The following NAPG variants were observed in gnomAD, a reference collection of about 807,000 sequenced individuals.
NAPG encodes NSF attachment protein gamma.
A neutral mutation model predicts 48.4 loss-of-function variants in NAPG; 25 were observed. The ratio of observed to expected loss-of-function variants is 0.52; its 90% confidence interval spans 0.38 to 0.72. The LOEUF (loss-of-function observed/expected upper bound fraction) is 0.72, where lower values mean the gene tolerates loss of function less well. Among genes scored for constraint, NAPG ranks in the 30% least tolerant of loss-of-function variants. The pLI, the probability that NAPG is intolerant of heterozygous loss-of-function variation, is 0.00. For missense variants in NAPG, 359 were observed against 372.5 expected, an observed-to-expected ratio of 0.96 and a Z score of 0.30; for synonymous variants, 139 against 127.2, an observed-to-expected ratio of 1.09 and a Z score of -0.62.
chr18:10,549,320 ACT>A (rs1202923643), intron 11 of NAPG, among the ~76,000 whole-genome samples: 1 of 151,448 alleles, frequency 6.6e-6, no homozygotes, highest in African/African-American at 2.5e-5. Context: ...CACCCATCTA[ACT>A]CTGTTGACCA....
Position 10,532,717 on chromosome 18 carries a change from C to T in NAPG, c.131C>T (p.Ala44Val). ...ATTTTTTTTTCTATTTCAGCTGTTGCTTTTAAAAATGCCAAACAGTTTGAG... is the reference window on the plus strand; with the variant it reads ...ATTTTTTTTTCTATTTCAGCTGTTGTTTTTAAAAATGCCAAACAGTTTGAG... ...AASEYGKAAV[A>V]FKNAKQFEQA... The change falls in exon 3 of 12, where the codon GCT becomes GTT. Residue 44 changes from alanine (A) to valine (V), a missense_variant. Coordinates refer to ENST00000322897, the MANE Select transcript of NAPG (RefSeq NM_003826.3). 1 of 1,575,964 alleles carries T rather than the reference C, an allele frequency of 6.3e-7. No homozygotes were observed. Among genetic ancestry groups the T allele is most frequent in the African/African-American group, 1.4e-5 (1 of 73,904 alleles).
chr18:10,546,371 TA>T lies in NAPG; in HGVS notation c.554del (p.Lys185ArgfsTer18). ...CTATTCAGAAAGAAAAAAATATTTA[TA>T]AGGAAATTGAGAATTATCCAACTTG... ...LSIQKEKNIY[K>X]EIENYPTCYK... On this transcript the variant is annotated frameshift_variant, in exon 9 of 12. Coordinates refer to ENST00000322897, the MANE Select transcript of NAPG (RefSeq NM_003826.3). LOFTEE classifies it high-confidence loss of function. The surrounding 1 kb of genome is among the most constrained non-coding windows in gnomAD (Gnocchi z 4.0). 6.3e-7 allele frequency: 1 copy of T among 1,575,228 alleles called. No individual in the cohort carries two copies. Among genetic ancestry groups the T allele is most frequent in the South Asian group, 1.2e-5 (1 of 86,512 alleles).
Position 10,552,693 on chromosome 18 carries a change from G to T in NAPG, c.*2473G>T, listed in dbSNP as rs558938773. ...CTCTGATGAGTAGAATATTAAATGTGTTGTTATGGAAATACAGATTATTGC... is the reference window on the plus strand; with the variant it reads ...CTCTGATGAGTAGAATATTAAATGTTTTGTTATGGAAATACAGATTATTGC... On this transcript the variant is annotated 3_prime_UTR_variant, in exon 12 of 12. Transcript: ENST00000322897. The T allele has an allele frequency of 6.6e-6, 1 of 152,134 alleles. No individual in the cohort carries two copies. The highest frequency in any genetic ancestry group is 2.4e-5 in the African/African-American group (1 of 41,400). The allele number at this position is 152,134 out of a possible 1,614,324, so 9.4% of individuals were successfully genotyped here.
chr18:10,537,192 C>G (rs966140399), intron 5 of NAPG, among the ~76,000 whole-genome samples: 1 of 152,100 alleles, frequency 6.6e-6, no homozygotes, highest in Non-Finnish European at 1.5e-5. Context: ...CTCCTGGGCT[C>G]AAGTGATACT....
chr18:10,536,405 C>T (rs558249270), intron 5 of NAPG, among the ~76,000 whole-genome samples: 1 of 152,242 alleles, frequency 6.6e-6, no homozygotes, highest in East Asian at 1.9e-4. Context: ...TTGGGGAGTG[C>T]CATTTTGTAG....
intron 11 of NAPG, 51 bp downstream of exon 11, chr18:10,549,147 GTT>G (rs760399990): frequency 2.6e-6 from 4 of 1,549,558 alleles, no homozygotes; most frequent in Non-Finnish European, 3.5e-6. Flanking sequence ...AAAGAAAGAG[GTT>G]TCTAGTGAGA....
At position 10,548,237 on chromosome 18, in the gene NAPG, G is replaced by C. The variant is rs983142273; in HGVS notation, c.586-62G>C. ...TTAAACTCCAGGTGTTTTCAATACT[G>C]CCAGGTTATTGACTTTATTAAACAG... is the stretch of plus-strand genomic sequence containing the variant. On this transcript the variant is annotated intron_variant, in intron 9 of 11. Coordinates refer to ENST00000322897, the MANE Select transcript of NAPG (RefSeq NM_003826.3). This position sits in a 1 kb window ranked among gnomAD's most constrained non-coding sequence, Gnocchi z 4.4. 15 of 1,224,776 alleles carry C rather than the reference G, an allele frequency of 1.2e-5. No homozygotes were observed. In the Admixed American group the frequency reaches 2.6e-4, roughly 21 times the overall value. The allele number at this position is 1,224,776 out of a possible 1,614,324, so 75.9% of individuals were successfully genotyped here. A position where few individuals can be genotyped will look rare whatever the true frequency, so the allele number is the denominator to read the frequency against.
intron 3 of NAPG, 126 bp from the exon 4 acceptor site, chr18:10,533,410 T>C (rs2031970208): frequency 2.9e-6 from 2 of 697,318 alleles, no homozygotes; most frequent in Non-Finnish European, 4.6e-6. Context: ...TTTACCTGTT[T>C]GTAGGATTTG....
Position 10,532,219 on chromosome 18 carries a change from T to A in NAPG, c.125-492T>A, listed in dbSNP as rs537942771. ...TAAACAGTATAAAAGATTGTTTTTT[T>A]AAAAAAATGCATTGTTAGACATTTA... On this transcript the variant is annotated intron_variant, in intron 2 of 11. Transcript: ENST00000322897. Among the ~76,000 whole-genome samples, 472 of 152,214 alleles carry A rather than the reference T, an allele frequency of 3.1e-3. 3 individuals carry two copies. The highest frequency in any genetic ancestry group is 0.011 in the African/African-American group (445 of 41,520).
chr18:10,533,256 C>T, intron 3 of NAPG: 1 of 337,376 alleles, frequency 3.0e-6, no homozygotes, highest in Non-Finnish European at 5.3e-6. Context: ...TATTTGCAAA[C>T]TGTAGTCATA....
chr18:10,534,529 G>A lies in NAPG; in HGVS notation c.258+33G>A. The stretch of plus-strand genomic sequence containing the variant: ...ATGTTATGTCACAATTGTTGTGTAG[G>A]TAAAATGAATTAACTACAAGGTGTT... On this transcript the variant is annotated intron_variant, in intron 5 of 11. Coordinates refer to ENST00000322897, the MANE Select transcript of NAPG (RefSeq NM_003826.3). The surrounding 1 kb of genome is among the most constrained non-coding windows in gnomAD (Gnocchi z 5.0). 1.2e-6 allele frequency: 2 copies of A among 1,601,944 alleles called. No homozygotes were observed. Among genetic ancestry groups the A allele is most frequent in the Non-Finnish European group, 1.7e-6 (2 of 1,169,302 alleles).
At chr18:10,536,967 T>TG (rs1171667892) in intron 5 of NAPG, among the ~76,000 whole-genome samples, 1 of 151,794 alleles carries the variant, frequency 6.6e-6, no homozygotes, top group African/African-American at 2.4e-5. Context: ...TTTTTGTTTT[T>TG]TTTTTTTGAG....
intron 11 of NAPG, among the ~76,000 whole-genome samples, chr18:10,549,334 A>G (rs1443628912): frequency 1.3e-5 from 2 of 152,174 alleles, no homozygotes; most frequent in African/African-American, 4.8e-5. Context: ...TGTTGACCAT[A>G]TACATATTTT....
Position 10,540,417 on chromosome 18 carries a change from A to G in NAPG, c.506+18A>G, listed in dbSNP as rs765160504. ...GGACGTAGGTATGTCTTTAAAAACT[A>G]TTGCTGTGTGTTTAACTATACTTTG... On this transcript the variant is annotated intron_variant, in intron 8 of 11. Transcript: ENST00000322897. 8.1e-6 allele frequency: 13 copies of G among 1,599,148 alleles called. No homozygotes were observed. The highest frequency in any genetic ancestry group is 2.7e-5 in the African/African-American group (2 of 74,468).
chr18:10,549,012 G>C lies in NAPG; in HGVS notation c.711G>C (p.Gln237His). ...NGSEDCAALE[Q>H]LLEGYDQQDQ... ...GTGAAGACTGTGCTGCCCTGGAACA[G>C]CTTCTTGAAGGTTATGACCAGCAAG... The change falls in exon 11 of 12, where the codon CAG becomes CAC. Residue 237 changes from glutamine (Q) to histidine (H), a missense_variant. Physicochemically the swap from Gln to His is conservative, Grantham distance 24 (BLOSUM62 0). Coordinates refer to ENST00000322897, the MANE Select transcript of NAPG (RefSeq NM_003826.3). The C allele has an allele frequency of 6.2e-7, 1 of 1,613,966 alleles. No homozygotes were observed. Among genetic ancestry groups the C allele is most frequent in the East Asian group, 2.2e-5 (1 of 44,890 alleles).
At chr18:10,528,050 G>T (rs2031856508) in intron 1 of NAPG, among the ~76,000 whole-genome samples, 1 of 152,162 alleles carries the variant, frequency 6.6e-6, no homozygotes, top group South Asian at 2.1e-4. Flanking sequence ...GCCGGCTGTG[G>T]TGGCGCGCAC....
Position 10,543,092 on chromosome 18 carries a change from C to T in NAPG, c.506+2693C>T, listed in dbSNP as rs1194873940. On this transcript the variant is annotated intron_variant, in intron 8 of 11. Coordinates refer to ENST00000322897, the MANE Select transcript of NAPG (RefSeq NM_003826.3). This position sits in a 1 kb window ranked among gnomAD's most constrained non-coding sequence, Gnocchi z 4.4. Reference sequence around the variant, plus strand: ...CCAGCTACTCGGGAGGCTGGAGAATCGCTTGAACCCAGGAGGCACAGGTTG... The same window carrying T: ...CCAGCTACTCGGGAGGCTGGAGAATTGCTTGAACCCAGGAGGCACAGGTTG... Among the ~76,000 whole-genome samples the T allele has an allele frequency of 2.0e-5, 3 of 150,194 alleles. No individual in the cohort carries two copies. The highest frequency in any genetic ancestry group is 4.9e-5 in the African/African-American group (2 of 40,798).
chr18:10,548,425 G>T lies in NAPG; in HGVS notation c.665+47G>T. 1 of 1,443,016 alleles carries T rather than the reference G, an allele frequency of 6.9e-7. No individual in the cohort carries two copies. Among genetic ancestry groups the T allele is most frequent in the Non-Finnish European group, 9.7e-7 (1 of 1,025,682 alleles). 89.4% of individuals were successfully genotyped at this position (1,443,016 alleles called of 1,614,324 possible). A position where few individuals can be genotyped will look rare whatever the true frequency, so the allele number is the denominator to read the frequency against. Reference sequence around the variant, plus strand: ...CTTGACTTGCAGTGGCGACACCTCTGTGTCTACAACTAAGATTGCTGCTAG... The same window carrying T: ...CTTGACTTGCAGTGGCGACACCTCTTTGTCTACAACTAAGATTGCTGCTAG... On this transcript the variant is annotated intron_variant, in intron 10 of 11. Transcript: ENST00000322897. The surrounding 1 kb of genome is among the most constrained non-coding windows in gnomAD (Gnocchi z 4.4).
At position 10,539,857 on chromosome 18, in the gene NAPG, G is replaced by C; in HGVS notation, c.354G>C (p.Leu118Phe). Residue 118 changes from leucine to phenylalanine, a missense_variant, in exon 6 of 12, where the codon TTG (leucine) becomes TTC (phenylalanine). Coordinates refer to ENST00000322897, the MANE Select transcript of NAPG (RefSeq NM_003826.3). The surrounding 1 kb of genome is among the most constrained non-coding windows in gnomAD (Gnocchi z 4.7). ...NGTPDTAAMA[L>F]ERAGKLIENV... is the part of the protein sequence containing the mutation. ...CCCCAGACACAGCAGCCATGGCTTT[G>C]GAGCGAGCTGGAAAGTGAGTGTGAG... 1 of 1,613,994 alleles carries C rather than the reference G, an allele frequency of 6.2e-7. No individual in the cohort carries two copies. The highest frequency in any genetic ancestry group is 8.5e-7 in the Non-Finnish European group (1 of 1,179,880).
Sources: gnomAD v4.1 joint callset for allele counts (sites outside exome capture counted in the v4.1 genomes callset) on GRCh38, gnomAD v4.1.1 for gene constraint, Gnocchi (gnomAD v3.1) non-coding constraint, MANE v1.5 for transcripts, NCBI Gene and HGNC (gene_info 2026-07-23, HGNC 2026-07-21) for gene names.